Variants in ANK3 observed in about 807,000 individuals in gnomAD.
The protein encoded by ANK3 is ankyrin-3.
Under a neutral mutation model 370.9 loss-of-function variants are expected in ANK3, and 57 were observed. That is an observed-to-expected ratio of 0.15 (90% CI 0.12 to 0.19). The LOEUF is 0.19. ANK3 is among the 10% of genes least tolerant of loss of function. ANK3 has a pLI of 1.00. For synonymous variants in ANK3, 1,929 were observed against 1,946.3 expected, an observed-to-expected ratio of 0.99 and a Z score of 0.23; for missense variants, 4,439 against 5,302.1, an observed-to-expected ratio of 0.84 and a Z score of 5.06.
intron 23 of ANK3, chr10:60,144,135 T>C: frequency 2.5e-6 from 1 of 399,766 alleles, no homozygotes; most frequent in Non-Finnish European, 4.9e-6. Flanking sequence ...AAGACTCAGC[T>C]GAGCCCCGAT....
chr10:60,545,441 G>GAAA (rs397723698), intron 2 of ANK3, among the ~76,000 whole-genome samples: 4 of 148,322 alleles, frequency 2.7e-5, no homozygotes, highest in Non-Finnish European at 1.5e-5. Flanking sequence ...CTAATCAAAT[G>GAAA]AAAAAAAAAA....
At chr10:60,246,255 C>CCAAAAAAAAAAAAAAA (rs2097550429) in intron 7 of ANK3, among the ~76,000 whole-genome samples, 1 of 92,704 alleles carries the variant, frequency 1.1e-5, no homozygotes. Context: ...AACCCTGTAT[C>CCAAAAAAAAAAAAAAA]AAAAAAAAAA....
chr10:60,047,252 T>G (rs996275263), intron 42 of ANK3, among the ~76,000 whole-genome samples: 2 of 152,216 alleles, frequency 1.3e-5, no homozygotes, highest in African/African-American at 4.8e-5. Flanking sequence ...GCACATGTGG[T>G]GTTACATTTT....
chr10:60,287,529 T>C (rs1268638250), intron 1 of ANK3, among the ~76,000 whole-genome samples: 2 of 152,206 alleles, frequency 1.3e-5, no homozygotes, highest in Non-Finnish European at 2.9e-5. Context: ...GCCTACTATA[T>C]ACCTGGGACC....
In ANK3 at chr10:60,166,864, T is replaced by C; in HGVS notation, c.2511A>G (p.Pro837=). ...TVTEKHKMNV[P]ETMNEVLDMS... ...TATCAAGAACTTCATTCATCGTTTC[T>C]GGAACATTCATTTTGTGCTTCTCTG... Residue 837 remains proline, a synonymous_variant, in exon 22 of 44, where the codon CCA becomes CCG. Transcript: ENST00000280772. The C allele has an allele frequency of 5.6e-6, 9 of 1,614,030 alleles. No homozygotes were observed. Among genetic ancestry groups the C allele is most frequent in the Non-Finnish European group, 7.6e-6 (9 of 1,179,958 alleles).
intron 8 of ANK3, among the ~76,000 whole-genome samples, chr10:60,218,570 C>T (rs118082386): frequency 0.016 from 2,376 of 152,084 alleles, 24 homozygotes; most frequent in South Asian, 0.024. Context: ...TATGAAATTC[C>T]GGGTTGAAAA....
intron 42 of ANK3, among the ~76,000 whole-genome samples, chr10:60,045,901 C>T (rs1326926148): frequency 7.3e-6 from 1 of 137,322 alleles, no homozygotes; most frequent in Admixed American, 7.8e-5. Flanking sequence ...GTTTTGCTAG[C>T]AAAGTTTTGT....
Position 60,068,641 on chromosome 10 carries a change from CCTT to C in ANK3, c.12237_12239del (p.Arg4080del), listed in dbSNP as rs774691259. 1.9e-6 allele frequency: 3 copies of C among 1,604,130 alleles called. No homozygotes were observed. The highest frequency in any genetic ancestry group is 2.2e-5 in the East Asian group (1 of 44,776). ...CCTGACTGCCTTCATTCTCACCAGTCCTTCTACTGCTCCTTTTCTCACTGCCGG... is the reference window on the plus strand; with the variant it reads ...CCTGACTGCCTTCATTCTCACCAGTCCTACTGCTCCTTTTCTCACTGCCGG... On this transcript the variant is annotated inframe_deletion, in exon 37 of 44. Coordinates refer to ENST00000280772, the MANE Select transcript of ANK3 (RefSeq NM_020987.5).
At chr10:60,423,956 A>G (rs1238852505) in intron 2 of ANK3, among the ~76,000 whole-genome samples, 1 of 152,076 alleles carries the variant, frequency 6.6e-6, no homozygotes, top group African/African-American at 2.4e-5. Flanking sequence ...TGAGATTCAC[A>G]TAAGCGTTTT....
chr10:60,424,155 T>C (rs1339455625), intron 2 of ANK3, among the ~76,000 whole-genome samples: 2 of 151,986 alleles, frequency 1.3e-5, no homozygotes, highest in African/African-American at 2.4e-5. Flanking sequence ...TGAGTCACTA[T>C]ACTTAGGGTG....
chr10:60,086,910 T>C (rs772170607), intron 29 of ANK3, 26 bp from the exon 30 acceptor site: 2 of 1,435,362 alleles, frequency 1.4e-6, no homozygotes, highest in Non-Finnish European at 1.8e-6. Flanking sequence ...GGACTTTAAA[T>C]GAAAGTGACT....
rs888571269 is a variant in ANK3, at chr10:60,139,147, G to A, written c.2615-60C>T. ...TTCCCTTTTGAAAGTGTCAGCTGTGGAGAAAATCACTCCTTTGGTTATCAG... is the reference window on the plus strand; with the variant it reads ...TTCCCTTTTGAAAGTGTCAGCTGTGAAGAAAATCACTCCTTTGGTTATCAG... On this transcript the variant is annotated intron_variant, in intron 23 of 43. Coordinates refer to ENST00000280772, the MANE Select transcript of ANK3 (RefSeq NM_020987.5). The A allele has an allele frequency of 4.4e-6, 7 of 1,582,886 alleles. No individual in the cohort carries two copies. In the Admixed American group the frequency reaches 1.3e-4, roughly 29 times the overall value.
chr10:60,692,354 C>G (rs568965303), intron 1 of ANK3, among the ~76,000 whole-genome samples: 2 of 152,316 alleles, frequency 1.3e-5, no homozygotes, highest in East Asian at 3.9e-4. Context: ...CTGTCATGGG[C>G]TGCCTCAAAT....
chr10:60,695,621 G>T (rs1429112538), intron 1 of ANK3, among the ~76,000 whole-genome samples: 5 of 152,164 alleles, frequency 3.3e-5, no homozygotes, highest in Non-Finnish European at 7.3e-5. Flanking sequence ...TCAACTACAT[G>T]GAAACTGAAC....
In ANK3 at chr10:60,069,438, T is replaced by A; in HGVS notation, c.11443A>T (p.Thr3815Ser). The A allele has an allele frequency of 6.2e-7, 1 of 1,614,144 alleles. No homozygotes were observed. ...NIVLTEHSAP[T>S]CTTEKDNPVK... ...GGGTTATCTTTCTCTGTGGTACAAG[T>A]GGGTGCAGAATGTTCTGTCAGAACT... Residue 3815 changes from threonine to serine, a missense_variant, in exon 37 of 44, where the codon ACT (threonine) becomes TCT (serine). By Grantham distance (58) the Thr-to-Ser change is moderately conservative. Transcript: ENST00000280772.
intron 18 of ANK3, 25 bp from the exon 19 acceptor site, chr10:60,173,211 A>G (rs1405974623): frequency 5.8e-6 from 9 of 1,557,376 alleles, no homozygotes; most frequent in Non-Finnish European, 7.0e-6. Context: ...TTTTTAAAAA[A>G]GAAGCATCAT....
At chr10:60,637,575 T>C (rs971317557) in intron 1 of ANK3, among the ~76,000 whole-genome samples, 4 of 152,096 alleles carry the variant, frequency 2.6e-5, no homozygotes, top group Non-Finnish European at 4.4e-5. Context: ...AAAACAAAGA[T>C]TCATGTTCAA....
Position 60,198,412 on chromosome 10 carries a change from G to A in ANK3, c.1617C>T (p.Ser539=), listed in dbSNP as rs117152648. 7.2e-5 allele frequency: 116 copies of A among 1,614,194 alleles called. No homozygotes were observed. The African/African-American group carries it at 1.1e-3, about 16-fold the overall frequency. ...CCACATCCTCATGCCCCTCTCGGGC[G>A]GAAAGGTGAAGTGGGGTGTACCCAG... The part of the protein sequence containing the change: ...TTSGYTPLHL[S]AREGHEDVAA... The change falls in exon 14 of 44, where the codon TCC becomes TCT. Residue 539 remains serine (S), a synonymous_variant. Transcript: ENST00000280772.
At chr10:60,651,104 T>G (rs954378112) in intron 1 of ANK3, among the ~76,000 whole-genome samples, 8 of 152,106 alleles carry the variant, frequency 5.3e-5, no homozygotes, top group Non-Finnish European at 7.4e-5. Context: ...AATATATATA[T>G]AGATATTGTT....
Sources: gnomAD v4.1 joint callset for allele counts (sites outside exome capture counted in the v4.1 genomes callset) on GRCh38, gnomAD v4.1.1 for gene constraint, MANE v1.5 for transcripts, NCBI Gene and HGNC (gene_info 2026-07-23, HGNC 2026-07-21) for gene names.